Variants in SLC44A5 observed in about 807,000 individuals in gnomAD.
SLC44A5 encodes solute carrier family 44 member 5, also known as choline transporter-like protein 5.
Under a neutral mutation model 101.8 loss-of-function variants are expected in SLC44A5, and 57 were observed. The observed-to-expected ratio is 0.56, with a 90% CI of 0.45 to 0.70. The LOEUF is 0.70. SLC44A5 is among the 30% of genes least tolerant of loss of function. The pLI is 0.00. For missense variants in SLC44A5, 737 were observed against 853.1 expected (o/e 0.86, Z 1.70); for synonymous variants, 281 against 290.9 (o/e 0.97, Z 0.35).
intron 2 of SLC44A5, among the ~76,000 whole-genome samples, chr1:75,490,734 G>T (rs983295104): frequency 2.0e-5 from 3 of 152,140 alleles, no homozygotes; most frequent in African/African-American, 7.2e-5. Context: ...GCTCATTCAA[G>T]TTTGTATGTA....
the SLC44A5 span, among the ~76,000 whole-genome samples, chr1:75,674,661 C>T: frequency 0.016 from 2,384 of 152,200 alleles, 70 homozygotes; most frequent in African/African-American, 0.053. Context: ...GGATTACAGG[C>T]ATGAGCCACC....
intron 13 of SLC44A5, among the ~76,000 whole-genome samples, chr1:75,222,742 T>C (rs946206210): frequency 7.2e-5 from 11 of 152,114 alleles, no homozygotes; most frequent in African/African-American, 2.4e-4. Context: ...ACTTAGAAAA[T>C]AGGAATGGAA....
At chr1:75,698,425 G>GAGT in the SLC44A5 span, among the ~76,000 whole-genome samples, 1 of 152,124 alleles carries the variant, frequency 6.6e-6, no homozygotes. Context: ...TACTCCAACA[G>GAGT]ACCTGCAACT....
intron 16 of SLC44A5, 85 bp downstream of exon 16, chr1:75,219,172 G>A (rs961872987): frequency 2.9e-5 from 28 of 975,464 alleles, no homozygotes; most frequent in Admixed American, 7.0e-5. Flanking sequence ...TCTCTGCTTC[G>A]GGACAATTCC....
chr1:75,442,322 T>C (rs1665254137), intron 2 of SLC44A5, among the ~76,000 whole-genome samples: 1 of 152,188 alleles, frequency 6.6e-6, no homozygotes, highest in African/African-American at 2.4e-5. Flanking sequence ...AGGAGACTAC[T>C]GCAATCGGGC....
At chr1:75,210,173 G>T (rs1269844256) in intron 23 of SLC44A5, among the ~76,000 whole-genome samples, 1 of 151,742 alleles carries the variant, frequency 6.6e-6, no homozygotes, top group African/African-American at 2.4e-5. Context: ...CAGCCTCCTG[G>T]GTAGCTAGGA....
intron 2 of SLC44A5, among the ~76,000 whole-genome samples, chr1:75,475,299 C>T (rs528402157): frequency 1.4e-4 from 21 of 152,130 alleles, no homozygotes; most frequent in Non-Finnish European, 2.9e-5. Flanking sequence ...AAATTTATTT[C>T]GAAAGAAGGA....
the SLC44A5 span, among the ~76,000 whole-genome samples, chr1:75,674,482 C>T: frequency 0.065 from 9,840 of 152,140 alleles, 377 homozygotes; most frequent in African/African-American, 0.097. Flanking sequence ...CGTGTTCAAG[C>T]GATTATCCTG....
intron 1 of SLC44A5, among the ~76,000 whole-genome samples, chr1:75,559,334 C>T (rs1557907034): frequency 6.6e-6 from 1 of 151,894 alleles, no homozygotes; most frequent in Admixed American, 6.6e-5. Flanking sequence ...AGCAGAACAG[C>T]CTAAATGCTA....
intron 2 of SLC44A5, among the ~76,000 whole-genome samples, chr1:75,450,881 C>A (rs1319984192): frequency 6.6e-6 from 1 of 152,218 alleles, no homozygotes; most frequent in Non-Finnish European, 1.5e-5. Flanking sequence ...GGGGCATCCA[C>A]TCAACTGGTC....
chr1:75,426,270 T>G (rs1008379845), intron 2 of SLC44A5, among the ~76,000 whole-genome samples: 10 of 152,204 alleles, frequency 6.6e-5, no homozygotes, highest in African/African-American at 2.4e-4. Flanking sequence ...AATATGATTC[T>G]GAAAGTCATT....
In SLC44A5 at chr1:75,547,041, A is replaced by AT. The variant is rs201165448; in HGVS notation, c.-69-5526dup. ...GGATGAAAGAATAATGAAATCATTC[A>AT]TGTTTTATGAAAAGTTTATAGGAAT... On this transcript the variant is annotated intron_variant, in intron 1 of 23. Coordinates refer to ENST00000370859, the MANE Select transcript of SLC44A5 (RefSeq NM_001130058.2). Among the ~76,000 whole-genome samples the AT allele has an allele frequency of 6.8e-3, 1,037 of 152,340 alleles. 9 individuals are homozygous for AT. Among genetic ancestry groups the AT allele is most frequent in the African/African-American group, 0.021 (881 of 41,580 alleles).
chr1:75,317,362 T>C (rs1266570819), intron 4 of SLC44A5, among the ~76,000 whole-genome samples: 1 of 152,230 alleles, frequency 6.6e-6, no homozygotes, highest in Non-Finnish European at 1.5e-5. Context: ...GAATTTTTAA[T>C]GCCAGAGACA....
the SLC44A5 span, among the ~76,000 whole-genome samples, chr1:75,677,458 A>G: frequency 1.3e-5 from 2 of 152,212 alleles, no homozygotes; most frequent in African/African-American, 4.8e-5. Context: ...GGTAACCTCA[A>G]ATTTAAAAAC....
chr1:75,484,602 AG>A (rs1352575598), intron 2 of SLC44A5, among the ~76,000 whole-genome samples: 2 of 152,134 alleles, frequency 1.3e-5, no homozygotes, highest in Non-Finnish European at 2.9e-5. Context: ...CTACCATTCT[AG>A]GGTCTGGAGG....
intron 2 of SLC44A5, among the ~76,000 whole-genome samples, chr1:75,442,293 T>C (rs1188614134): frequency 6.6e-6 from 1 of 152,128 alleles, no homozygotes; most frequent in Non-Finnish European, 1.5e-5. Context: ...TTGTTAAAGA[T>C]GGTAAAGGAA....
chr1:75,384,017 G>C (rs1244676930), intron 3 of SLC44A5, among the ~76,000 whole-genome samples: 1 of 151,402 alleles, frequency 6.6e-6, no homozygotes, highest in East Asian at 2.0e-4. Flanking sequence ...GAGAGATTTT[G>C]TCACCACCAG....
chr1:75,531,958 C>T (rs1570543318), intron 2 of SLC44A5, among the ~76,000 whole-genome samples: 1 of 152,338 alleles, frequency 6.6e-6, no homozygotes, highest in East Asian at 1.9e-4. Flanking sequence ...GAACGTGCTA[C>T]ATGACTAGAC....
the SLC44A5 span, among the ~76,000 whole-genome samples, chr1:75,623,028 TC>T: frequency 0.34 from 50,971 of 151,940 alleles, 8,733 homozygotes; most frequent in African/African-American, 0.37. Flanking sequence ...GCAGTAACTA[TC>T]AAACATTTAT....
Sources: allele counts gnomAD v4.1 joint callset (sites outside exome capture counted in the v4.1 genomes callset), GRCh38; gene constraint gnomAD v4.1.1; transcripts MANE v1.5; gene names NCBI Gene and HGNC (gene_info 2026-07-23, HGNC 2026-07-21).